The following VPS39 variants were observed in gnomAD, a reference collection of about 807,000 sequenced individuals.
VPS39 encodes VPS39 subunit of HOPS complex.
A neutral mutation model predicts 121.0 loss-of-function variants in VPS39; 70 were observed. That is an observed-to-expected ratio of 0.58 (90% CI 0.48 to 0.71). The LOEUF (loss-of-function observed/expected upper bound fraction) is 0.71. Ranked by LOEUF, VPS39 falls within the 30% of genes least tolerant of loss-of-function variation. The pLI is 0.00. For synonymous variants in VPS39, 378 were observed against 398.1 expected (o/e 0.95, Z 0.60); for missense variants, 818 against 1,051.5 (o/e 0.78, Z 3.07).
In VPS39 at chr15:42,160,755, C is replaced by T; in HGVS notation, c.2627G>A (p.Ter876=). ...CSKEVNPADT[*] ...CGCTGGATCCCCAGGATGCTGGGCTCAAGTGTCAGCTGGGTTTACCTCTTT... is the reference window on the plus strand; with the variant it reads ...CGCTGGATCCCCAGGATGCTGGGCTTAAGTGTCAGCTGGGTTTACCTCTTT... The change falls in exon 25 of 25, where the codon TGA becomes TAA. Residue 876 remains the stop codon, a stop_retained_variant. Transcript: ENST00000318006. 6.2e-7 allele frequency: 1 copy of T among 1,614,066 alleles called. No individual in the cohort carries two copies. The highest frequency in any genetic ancestry group is 8.5e-7 in the Non-Finnish European group (1 of 1,179,910).
intron 7 of VPS39, among the ~76,000 whole-genome samples, chr15:42,185,472 C>A (rs760820429): frequency 2.0e-5 from 3 of 152,076 alleles, no homozygotes; most frequent in Non-Finnish European, 4.4e-5. Context: ...TGTGAGCCAC[C>A]GCGCCTGGCC....
At chr15:42,190,521 G>C (rs1191586127) in intron 4 of VPS39, among the ~76,000 whole-genome samples, 1 of 152,148 alleles carries the variant, frequency 6.6e-6, no homozygotes, top group Non-Finnish European at 1.5e-5. Flanking sequence ...CAACAGTGTA[G>C]CCCTGCTCTG....
chr15:42,205,602 T>C (rs936394923), intron 1 of VPS39, among the ~76,000 whole-genome samples: 1 of 152,186 alleles, frequency 6.6e-6, no homozygotes, highest in African/African-American at 2.4e-5. Context: ...ATGTCAGATG[T>C]TGCCAGACAG....
rs773449276 is a variant in VPS39, at chr15:42,166,589, C to T, written c.1580G>A (p.Arg527Lys). 11 of 1,614,258 alleles carry T rather than the reference C, an allele frequency of 6.8e-6. No homozygotes were observed. Among genetic ancestry groups the T allele is most frequent in the South Asian group, 4.4e-5 (4 of 91,088 alleles). Reference sequence around the variant, plus strand: ...CAGATGCTGCAGATACTGCACTGTCCTCTCGTGGCCTTTCAGAGGGGAGTT... The same window carrying T: ...CAGATGCTGCAGATACTGCACTGTCTTCTCGTGGCCTTTCAGAGGGGAGTT... ...KANSPLKGHE[R>K]TVQYLQHLGT... Residue 527 changes from arginine to lysine, a missense_variant, in exon 15 of 25, where the codon AGG (arginine) becomes AAG (lysine). Arg to Lys is a conservative substitution (Grantham distance 26). Coordinates refer to ENST00000318006, the MANE Select transcript of VPS39 (RefSeq NM_015289.5).
chr15:42,191,454 T>C (rs375446457), intron 3 of VPS39, 42 bp downstream of exon 3: 3 of 1,584,544 alleles, frequency 1.9e-6, no homozygotes, highest in Admixed American at 1.7e-5. Flanking sequence ...CAGGGTCTCA[T>C]GTAAGTCAAA....
At chr15:42,200,988 T>C (rs373607571) in intron 1 of VPS39, among the ~76,000 whole-genome samples, 9 of 151,972 alleles carry the variant, frequency 5.9e-5, no homozygotes, top group African/African-American at 1.9e-4. Flanking sequence ...ATGTCCAGAG[T>C]AGGCAAATCC....
At chr15:42,171,546 T>C (rs1436154192) in intron 11 of VPS39, among the ~76,000 whole-genome samples, 1 of 152,232 alleles carries the variant, frequency 6.6e-6, no homozygotes, top group Non-Finnish European at 1.5e-5. Context: ...GAACCCTGTC[T>C]TCTGCTCATT....
At chr15:42,168,191 T>A (rs1291842871) in intron 12 of VPS39, among the ~76,000 whole-genome samples, 1 of 152,244 alleles carries the variant, frequency 6.6e-6, no homozygotes, top group African/African-American at 2.4e-5. Flanking sequence ...TCTGGCACAA[T>A]ACTAGTGTCA....
intron 4 of VPS39, 121 bp downstream of exon 4, chr15:42,191,004 C>A (rs1380150737): frequency 4.5e-6 from 5 of 1,103,166 alleles, no homozygotes; most frequent in Non-Finnish European, 6.8e-6. Flanking sequence ...CCCTGTTATA[C>A]CAGGTTTGGA....
intron 8 of VPS39, among the ~76,000 whole-genome samples, chr15:42,183,159 G>A (rs2049621748): frequency 6.6e-6 from 1 of 151,106 alleles, no homozygotes; most frequent in Non-Finnish European, 1.5e-5. Context: ...GGAGTGCAGT[G>A]GCACAATCTC....
chr15:42,179,554 C>T (rs1204669220), intron 8 of VPS39, among the ~76,000 whole-genome samples: 11 of 139,780 alleles, frequency 7.9e-5, no homozygotes, highest in African/African-American at 2.1e-4. Context: ...CCAGCCTGGG[C>T]GACAGAGCAA....
Position 42,178,637 on chromosome 15 carries a change from T to C in VPS39, c.719-67A>G, listed in dbSNP as rs113101524. 1,009 of 1,592,416 alleles carry C rather than the reference T, an allele frequency of 6.3e-4. 4 individuals carry two copies. In the African/African-American group the frequency reaches 7.5e-3, roughly 12 times the overall value. ...CTTTGGGTTTATGGAGTGTTTCAGCTGCCCATTCTAAGATACATTTAAATG... is the reference window on the plus strand; with the variant it reads ...CTTTGGGTTTATGGAGTGTTTCAGCCGCCCATTCTAAGATACATTTAAATG... On this transcript the variant is annotated intron_variant, in intron 8 of 24. Transcript: ENST00000318006.
chr15:42,173,712 C>T lies in VPS39; in HGVS notation c.1090+11G>A. 6.2e-7 allele frequency: 1 copy of T among 1,613,614 alleles called. No homozygotes were observed. Among genetic ancestry groups the T allele is most frequent in the Admixed American group, 1.7e-5 (1 of 59,970 alleles). ...ATTAGTCCCTTATATAAAGGCCTCA[C>T]CACTTGTTACCTGTGCCAAGTTTAG... is the stretch of plus-strand genomic sequence containing the variant. On this transcript the variant is annotated intron_variant, in intron 11 of 24. Transcript: ENST00000318006.
intron 12 of VPS39, among the ~76,000 whole-genome samples, chr15:42,169,436 T>C (rs1053367949): frequency 6.6e-6 from 1 of 152,242 alleles, no homozygotes. Context: ...AAAAAACTTG[T>C]ATGCTTCTAT....
At chr15:42,194,164 A>C (rs1023575976) in intron 2 of VPS39, among the ~76,000 whole-genome samples, 1 of 152,234 alleles carries the variant, frequency 6.6e-6, no homozygotes, top group Admixed American at 6.5e-5. Context: ...TTAAAAAAAA[A>C]CAAAAACAAA....
chr15:42,169,680 A>C (rs2049309671), intron 12 of VPS39, 44 bp downstream of exon 12: 1 of 1,545,166 alleles, frequency 6.5e-7, no homozygotes, highest in African/African-American at 1.4e-5. Context: ...ACAAGTACTG[A>C]AACTCCCAGG....
Position 42,187,866 on chromosome 15 carries a change from G to C in VPS39, c.343-10C>G. ...CACCGGTCTCTGTGTGCTGGGAGGA[G>C]ACATGCAGAGCAAATGAAAATACAA... On this transcript the variant is annotated splice_polypyrimidine_tract_variant and intron_variant, in intron 5 of 24. Coordinates refer to ENST00000318006, the MANE Select transcript of VPS39 (RefSeq NM_015289.5). 2 of 1,611,510 alleles carry C rather than the reference G, an allele frequency of 1.2e-6. No individual in the cohort carries two copies. The highest frequency in any genetic ancestry group is 1.7e-6 in the Non-Finnish European group (2 of 1,177,624).
rs1376180895 is a variant in VPS39, at chr15:42,173,874, T to C, written c.961-22A>G. ...TTTCCTAATAACGGAGCAGAATATG[T>C]AAGAGTTCACTCACTCAACAAATAT... On this transcript the variant is annotated intron_variant, in intron 10 of 24. Transcript: ENST00000318006. 3 of 1,613,224 alleles carry C rather than the reference T, an allele frequency of 1.9e-6. No homozygotes were observed. The African/African-American group carries it at 4.0e-5, about 22-fold the overall frequency.
chr15:42,166,694 G>A lies in VPS39; in HGVS notation c.1520-45C>T, dbSNP rs144799746. The A allele has an allele frequency of 4.2e-4, 683 of 1,613,858 alleles. 4 individuals are homozygous for A. The African/African-American group carries it at 7.9e-3, about 19-fold the overall frequency. On this transcript the variant is annotated intron_variant, in intron 14 of 24. Transcript: ENST00000318006. The stretch of plus-strand genomic sequence containing the variant: ...ACAAGGTCATGAGCCTTTTCCCCAC[G>A]GGAGATTTCCATATCTCAGTGGGTT...
Sources: gnomAD v4.1 joint callset for allele counts (sites outside exome capture counted in the v4.1 genomes callset) on GRCh38, gnomAD v4.1.1 for gene constraint, MANE v1.5 for transcripts, NCBI Gene and HGNC (gene_info 2026-07-23, HGNC 2026-07-21) for gene names.